RYR3: variants seen among roughly 807,000 people sequenced by gnomAD.
RYR3 encodes the protein brain ryanodine receptor-calcium release channel.
Under a neutral mutation model 584.3 loss-of-function variants are expected in RYR3, and 207 were observed. That is an observed-to-expected ratio of 0.35 (90% CI 0.32 to 0.40). RYR3 has a LOEUF of 0.40. RYR3 is among the 10% of genes least tolerant of loss of function. RYR3 has a pLI of 1.00. For synonymous variants in RYR3, 2,416 were observed against 2,248.5 expected (o/e 1.07, Z -2.11); for missense variants, 5,616 against 6,089.2 (o/e 0.92, Z 2.59).
chr15:33,512,473 A>C (rs985171998), intron 3 of RYR3, among the ~76,000 whole-genome samples: 1 of 152,202 alleles, frequency 6.6e-6, no homozygotes, highest in African/African-American at 2.4e-5. Flanking sequence ...GACTCTCTCA[A>C]ATCCCCCCAT....
intron 64 of RYR3, among the ~76,000 whole-genome samples, chr15:33,778,307 TTTC>T (rs1459246347): frequency 5.9e-5 from 9 of 152,234 alleles, no homozygotes; most frequent in Non-Finnish European, 1.3e-4. Flanking sequence ...TATCTCCTTA[TTTC>T]TTCCTCCAAT....
intron 30 of RYR3, among the ~76,000 whole-genome samples, chr15:33,648,703 A>G (rs1272184327): frequency 2.0e-5 from 3 of 152,222 alleles, no homozygotes; most frequent in African/African-American, 7.2e-5. Context: ...CCTGCAGCTC[A>G]GATCTGCCCT....
chr15:33,834,471 CTTTTCT>C (rs889080852), intron 86 of RYR3, among the ~76,000 whole-genome samples: 7 of 110,080 alleles, frequency 6.4e-5, no homozygotes, highest in African/African-American at 1.8e-4. Context: ...ACACAGATTT[CTTTTCT>C]TTTTTTTTTT....
intron 19 of RYR3, among the ~76,000 whole-genome samples, chr15:33,614,578 C>T (rs1274975069): frequency 2.0e-5 from 3 of 151,844 alleles, no homozygotes; most frequent in Non-Finnish European, 4.4e-5. Flanking sequence ...GTGCTTTTTC[C>T]AACACAGTAT....
rs1283001520 is a variant in RYR3 at position 33,530,612 on chromosome 15, C to T, written c.300C>T (p.His100=). ...GGEGAAQGGG[H]RTLLYGHAVL... ...CACAGGCAGCACAAGGAGGTGGCCA[C>T]AGGACCCTGTTATACGGCCATGCAG... The change falls in exon 4 of 104, where the codon CAC becomes CAT. Residue 100 remains histidine (H), a synonymous_variant. Coordinates refer to ENST00000634891, the MANE Select transcript of RYR3 (RefSeq NM_001036.6). 1.2e-6 allele frequency: 2 copies of T among 1,613,486 alleles called. No individual in the cohort carries two copies. Among genetic ancestry groups the T allele is most frequent in the African/African-American group, 1.3e-5 (1 of 74,896 alleles).
Position 33,358,916 on chromosome 15 carries a change from G to A in RYR3, c.51+47820G>A, listed in dbSNP as rs150069842. The stretch of plus-strand genomic sequence containing the variant: ...CACTATTCTAAGCTCATTTTCTTTC[G>A]AACATTCTAAGTACTTTTCTAAGCA... On this transcript the variant is annotated intron_variant, in intron 1 of 103. Transcript: ENST00000634891. 1.1e-4 allele frequency among the ~76,000 whole-genome samples: 16 copies of A among 152,212 alleles called. No individual in the cohort carries two copies. In the East Asian group the frequency reaches 1.9e-3, roughly 18 times the overall value.
intron 1 of RYR3, among the ~76,000 whole-genome samples, chr15:33,432,575 T>C (rs902797576): frequency 6.6e-6 from 1 of 151,842 alleles, no homozygotes; most frequent in African/African-American, 2.4e-5. Flanking sequence ...TTAAATTTCA[T>C]TAGATGTGAA....
intron 1 of RYR3, among the ~76,000 whole-genome samples, chr15:33,440,473 G>T (rs975301100): frequency 2.0e-5 from 3 of 152,176 alleles, no homozygotes; most frequent in Admixed American, 2.0e-4. Context: ...GGGACATTAG[G>T]TAGTGCCTGG....
At chr15:33,785,583 G>C in intron 65 of RYR3, 79 bp from the exon 66 acceptor site, 1 of 1,176,904 alleles carries the variant, frequency 8.5e-7, no homozygotes, top group Admixed American at 2.9e-5. Flanking sequence ...AAGACCAAAG[G>C]AAAGGAGGGG....
intron 19 of RYR3, among the ~76,000 whole-genome samples, chr15:33,620,288 C>T (rs1481809134): frequency 6.6e-6 from 1 of 152,128 alleles, no homozygotes; most frequent in African/African-American, 2.4e-5. Context: ...CAAGCTTCCA[C>T]GTGGTTTCTT....
At chr15:33,715,979 G>A (rs918658707) in intron 43 of RYR3, among the ~76,000 whole-genome samples, 3 of 152,180 alleles carry the variant, frequency 2.0e-5, no homozygotes, top group South Asian at 2.1e-4. Context: ...CTGGTGGGAC[G>A]TGTTTGGATC....
Position 33,744,688 on chromosome 15 carries a change from G to A in RYR3, c.7900-1380G>A, listed in dbSNP as rs143099658. 4.1e-4 allele frequency among the ~76,000 whole-genome samples: 62 copies of A among 152,276 alleles called. 1 individual carries two copies. In the East Asian group the frequency reaches 7.1e-3, roughly 18 times the overall value. On this transcript the variant is annotated intron_variant, in intron 52 of 103. Transcript: ENST00000634891. ...GTCACAAGGAAGTAAGCGCGCTGCC[G>A]GCCTTGGGAACAGCAGGTGCAGACC...
intron 1 of RYR3, among the ~76,000 whole-genome samples, chr15:33,377,640 C>A (rs1158078738): frequency 6.6e-6 from 1 of 152,216 alleles, no homozygotes; most frequent in South Asian, 2.1e-4. Flanking sequence ...TCAAATCCAT[C>A]TCTGCCACTT....
At chr15:33,520,243 T>C (rs2053878995) in intron 3 of RYR3, among the ~76,000 whole-genome samples, 1 of 152,238 alleles carries the variant, frequency 6.6e-6, no homozygotes, top group African/African-American at 2.4e-5. Flanking sequence ...CTATAAATCC[T>C]CAGGATGAAC....
chr15:33,476,333 A>G (rs2596166), intron 2 of RYR3, among the ~76,000 whole-genome samples: 91,224 of 152,134 alleles, frequency 0.6, 28,156 homozygotes, highest in African/African-American at 0.76. Flanking sequence ...CTTTCCTAAC[A>G]TCCACTTAAC....
Position 33,362,245 on chromosome 15 carries a change from G to T in RYR3, c.51+51149G>T, listed in dbSNP as rs1014726045. 2.6e-5 allele frequency among the ~76,000 whole-genome samples: 4 copies of T among 152,066 alleles called. No homozygotes were observed. In the South Asian group the frequency reaches 6.2e-4, roughly 24 times the overall value. On this transcript the variant is annotated intron_variant, in intron 1 of 103. Coordinates refer to ENST00000634891, the MANE Select transcript of RYR3 (RefSeq NM_001036.6). ...TTGCTTGGTATTTTTGCCTTCTATT[G>T]TCTTTACCCTCCCTGTGATCCAAAA... is the stretch of plus-strand genomic sequence containing the variant.
intron 9 of RYR3, among the ~76,000 whole-genome samples, chr15:33,549,421 A>C (rs369873159): frequency 1.3e-5 from 2 of 152,252 alleles, no homozygotes; most frequent in Non-Finnish European, 2.9e-5. Context: ...ATCTCTCTTA[A>C]ACCTTATATT....
chr15:33,688,052 A>G (rs1204526155), intron 38 of RYR3, among the ~76,000 whole-genome samples: 1 of 152,184 alleles, frequency 6.6e-6, no homozygotes, highest in Non-Finnish European at 1.5e-5. Context: ...CAAAAGCCAA[A>G]ATAGACAAAT....
At chr15:33,703,233 G>C (rs527381816) in intron 42 of RYR3, among the ~76,000 whole-genome samples, 1 of 152,326 alleles carries the variant, frequency 6.6e-6, no homozygotes, top group African/African-American at 2.4e-5. Flanking sequence ...TCATGAACCA[G>C]ACAGACAAAA....
Sources: allele counts gnomAD v4.1 joint callset (sites outside exome capture counted in the v4.1 genomes callset), GRCh38; gene constraint gnomAD v4.1.1; transcripts MANE v1.5; gene names NCBI Gene and HGNC (gene_info 2026-07-23, HGNC 2026-07-21).